RFC3: variants seen among roughly 807,000 people sequenced by gnomAD.
The protein encoded by RFC3 is replication factor C subunit 3.
In RFC3, 41 loss-of-function variants were observed where a neutral mutation model predicts 45.1. The ratio of observed to expected loss-of-function variants is 0.91; its 90% confidence interval spans 0.71 to 1.18. RFC3 has a LOEUF of 1.18. Among genes scored for constraint, RFC3 ranks in the 50% most tolerant of loss-of-function variants. RFC3 has a pLI of 0.00. For synonymous variants in RFC3, 149 were observed against 144.0 expected (o/e 1.03, Z -0.25); for missense variants, 423 against 428.1 (o/e 0.99, Z 0.10).
intron 8 of RFC3, among the ~76,000 whole-genome samples, chr13:33,859,082 A>G (rs1433060654): frequency 6.6e-6 from 1 of 152,184 alleles, no homozygotes; most frequent in East Asian, 1.9e-4. Context: ...TGTTCCTGGT[A>G]TAAACGAAAT....
chr13:33,880,574 G>C (rs761280450), intron 8 of RFC3, among the ~76,000 whole-genome samples: 1 of 152,128 alleles, frequency 6.6e-6, no homozygotes, highest in African/African-American at 2.4e-5. Flanking sequence ...AGTGCAAATG[G>C]GGAACTGAAT....
chr13:33,952,056 T>A (rs2082994533), intron 8 of RFC3, among the ~76,000 whole-genome samples: 1 of 152,234 alleles, frequency 6.6e-6, no homozygotes, highest in Non-Finnish European at 1.5e-5. Context: ...TGAACATTCA[T>A]TTGTTGAATG....
At chr13:33,901,266 A>C (rs537290067) in intron 8 of RFC3, among the ~76,000 whole-genome samples, 7 of 152,224 alleles carry the variant, frequency 4.6e-5, no homozygotes, top group African/African-American at 1.7e-4. Flanking sequence ...CCCTATTTAC[A>C]ATAACCAAAA....
At chr13:33,924,596 TTA>T (rs148994100) in intron 8 of RFC3, among the ~76,000 whole-genome samples, 4 of 149,890 alleles carry the variant, frequency 2.7e-5, no homozygotes, top group East Asian at 2.0e-4. Context: ...AAAGAAATGA[TTA>T]TATATATATA....
chr13:33,831,229 T>G (rs3135604), intron 6 of RFC3, 27 bp from the exon 7 acceptor site: 19,725 of 1,381,906 alleles, frequency 0.014, 206 homozygotes, highest in Middle Eastern at 0.025. Context: ...TCTGTTTAAC[T>G]TCTTGTGTTC....
downstream of RFC3, among the ~76,000 whole-genome samples, chr13:33,842,186 G>A (rs1247603382): frequency 6.6e-6 from 1 of 152,028 alleles, no homozygotes; most frequent in Non-Finnish European, 1.5e-5. Context: ...CGCTAGTGGG[G>A]CTGAGGTGGG....
chr13:33,919,165 C>G (rs187792761), intron 8 of RFC3, among the ~76,000 whole-genome samples: 5 of 152,224 alleles, frequency 3.3e-5, no homozygotes, highest in Non-Finnish European at 7.4e-5. Context: ...TTGCCTCACC[C>G]ATTCAGAAAT....
chr13:33,868,187 A>T (rs2082385780), intron 8 of RFC3, among the ~76,000 whole-genome samples: 1 of 152,196 alleles, frequency 6.6e-6, no homozygotes, highest in African/African-American at 2.4e-5. Flanking sequence ...GGACCTGTGC[A>T]GGACATCAGC....
At chr13:33,898,664 GA>G (rs1191137321) in intron 8 of RFC3, among the ~76,000 whole-genome samples, 1 of 151,568 alleles carries the variant, frequency 6.6e-6, no homozygotes, top group Admixed American at 6.6e-5. Context: ...GATTACAGGA[GA>G]AATAAATGAA....
downstream of RFC3, among the ~76,000 whole-genome samples, chr13:33,970,866 G>C (rs201578376): frequency 3.2e-4 from 48 of 152,294 alleles, no homozygotes; most frequent in East Asian, 6.6e-3. Flanking sequence ...TGCAGAGACT[G>C]ATCAGGTTCA....
At chr13:33,926,701 G>GA (rs1346504129) in intron 8 of RFC3, among the ~76,000 whole-genome samples, 1 of 151,438 alleles carries the variant, frequency 6.6e-6, no homozygotes, top group Non-Finnish European at 1.5e-5. Flanking sequence ...GTCACCATAT[G>GA]AAAGAAATAA....
intron 8 of RFC3, among the ~76,000 whole-genome samples, chr13:33,860,496 T>G (rs1440733710): frequency 6.6e-6 from 1 of 152,048 alleles, no homozygotes; most frequent in Non-Finnish European, 1.5e-5. Context: ...CCCAGTTGCC[T>G]CCAATGTGCA....
At chr13:33,876,895 G>C (rs1250257947) in intron 8 of RFC3, among the ~76,000 whole-genome samples, 1 of 152,208 alleles carries the variant, frequency 6.6e-6, no homozygotes, top group Non-Finnish European at 1.5e-5. Context: ...CTCTCTTTCT[G>C]TTCAGATGAT....
In RFC3 at chr13:33,829,950, C is replaced by T. The variant is rs1267382436; in HGVS notation, c.506C>T (p.Ser169Phe). The T allele has an allele frequency of 6.2e-7, 1 of 1,614,144 alleles. No individual in the cohort carries two copies. Among genetic ancestry groups the T allele is most frequent in the Non-Finnish European group, 8.5e-7 (1 of 1,179,982 alleles). The stretch of plus-strand genomic sequence containing the variant: ...TTGATCTTGTGCTGCAATTCTACAT[C>T]TAAAGTGATCCCACCTATTCGTAGT... The part of the protein sequence containing the change: ...CRLILCCNST[S>F]KVIPPIRSRC... Residue 169 changes from serine (S) to phenylalanine (F), a missense_variant, in exon 5 of 9, where the codon TCT (serine) becomes TTT (phenylalanine). Coordinates refer to ENST00000380071, the MANE Select transcript of RFC3 (RefSeq NM_002915.4).
intron 7 of RFC3, among the ~76,000 whole-genome samples, chr13:33,832,966 T>C (rs2082117898): frequency 6.6e-6 from 1 of 152,220 alleles, no homozygotes; most frequent in Non-Finnish European, 1.5e-5. Flanking sequence ...AAATTTCTTC[T>C]GGTTTTCCTA....
rs560797315 is a variant in RFC3 at position 33,889,246 on chromosome 13, T to G, written c.879+54029T>G. 1.8e-4 allele frequency among the ~76,000 whole-genome samples: 27 copies of G among 152,168 alleles called. 1 individual carries two copies. Among genetic ancestry groups the G allele is most frequent in the Non-Finnish European group, 4.0e-4 (27 of 68,032 alleles). ...GGTAAGGCAAGAAATAATATACAGA[T>G]ATTTTGAGGAACATTTAGAAATCAT... is the stretch of plus-strand genomic sequence containing the variant. On this transcript the variant is annotated intron_variant, in intron 8 of 8. Coordinates refer to the RFC3 transcript ENST00000434425.
intron 8 of RFC3, among the ~76,000 whole-genome samples, chr13:33,877,855 G>C (rs1293767925): frequency 6.7e-6 from 1 of 148,834 alleles, no homozygotes; most frequent in Non-Finnish European, 1.5e-5. Context: ...CACTATAATG[G>C]ATTATAATAA....
chr13:33,896,610 G>A lies in RFC3; in HGVS notation c.879+61393G>A, dbSNP rs182728118. On this transcript the variant is annotated intron_variant, in intron 8 of 8. Coordinates refer to the RFC3 transcript ENST00000434425. Reference sequence around the variant, plus strand: ...GTGGTGGTCCCCAGTTACTTGGGAGGCTGAGGCATGAAAATCACCTGAACT... The same window carrying A: ...GTGGTGGTCCCCAGTTACTTGGGAGACTGAGGCATGAAAATCACCTGAACT... Among the ~76,000 whole-genome samples the A allele has an allele frequency of 3.6e-3, 537 of 147,874 alleles. 4 individuals carry two copies. Among genetic ancestry groups the A allele is most frequent in the African/African-American group, 0.012 (503 of 40,670 alleles).
chr13:33,930,553 T>C (rs988310255), intron 8 of RFC3, among the ~76,000 whole-genome samples: 3 of 152,120 alleles, frequency 2.0e-5, no homozygotes, highest in Non-Finnish European at 2.9e-5. Context: ...TGGGTCTGTC[T>C]CTCTGAGTCC....
Sources: allele counts gnomAD v4.1 joint callset (sites outside exome capture counted in the v4.1 genomes callset), GRCh38; gene constraint gnomAD v4.1.1; transcripts MANE v1.5; gene names NCBI Gene and HGNC (gene_info 2026-07-23, HGNC 2026-07-21).